ANKRD26: variants seen among roughly 807,000 people sequenced by gnomAD.
The protein encoded by ANKRD26 is ankyrin repeat domain-containing protein 26.
A neutral mutation model predicts 208.7 loss-of-function variants in ANKRD26; 141 were observed. The ratio of observed to expected loss-of-function variants is 0.68; its 90% CI spans 0.59 to 0.78. The LOEUF (loss-of-function observed/expected upper bound fraction) is 0.78. Ranked by LOEUF, ANKRD26 falls within the 30% of genes least tolerant of loss-of-function variation. ANKRD26 has a pLI of 0.00. For synonymous variants in ANKRD26, 636 were observed against 660.4 expected, an observed-to-expected ratio of 0.96 and a Z score of 0.57; for missense variants, 1,889 against 1,938.7, an observed-to-expected ratio of 0.97 and a Z score of 0.48.
chr10:26,972,335 A>G (rs1237945943), downstream of ANKRD26, among the ~76,000 whole-genome samples: 2 of 152,056 alleles, frequency 1.3e-5, no homozygotes, highest in African/African-American at 4.8e-5. Flanking sequence ...ACTGTCGGTA[A>G]TAAGTTAGGA....
chr10:26,951,019 C>CTTTTTTTTTTTTTTTTTTTTTT, the ANKRD26 span, among the ~76,000 whole-genome samples: 15 of 48,574 alleles, frequency 3.1e-4, no homozygotes, highest in East Asian at 9.0e-4. Context: ...TTTTCTTTTT[C>CTTTTTTTTTTTTTTTTTTTTTT]TTTTTTTTTT....
downstream of ANKRD26, among the ~76,000 whole-genome samples, chr10:27,001,804 A>G (rs1007000699): frequency 3.9e-5 from 6 of 152,132 alleles, no homozygotes; most frequent in African/African-American, 1.4e-4. Context: ...TTGCTTATCT[A>G]TGTCAGCAGC....
intron 9 of ANKRD26, among the ~76,000 whole-genome samples, chr10:27,073,565 A>T (rs1046815155): frequency 4.6e-5 from 7 of 152,138 alleles, no homozygotes; most frequent in Non-Finnish European, 5.9e-5. Flanking sequence ...ACTTTAGTGC[A>T]TATCACTGAG....
intron 6 of ANKRD26, among the ~76,000 whole-genome samples, chr10:27,082,170 A>G (rs2135625685): frequency 6.6e-6 from 1 of 152,150 alleles, no homozygotes; most frequent in Admixed American, 6.5e-5. Context: ...GTCAGTAGGT[A>G]GAGAAATAAA....
chr10:26,949,205 A>G, the ANKRD26 span, among the ~76,000 whole-genome samples: 1 of 152,078 alleles, frequency 6.6e-6, no homozygotes, highest in Non-Finnish European at 1.5e-5. Context: ...TACCTTGCCA[A>G]TTTTGCTTCA....
downstream of ANKRD26, among the ~76,000 whole-genome samples, chr10:27,003,610 C>G (rs2052774750): frequency 6.6e-6 from 1 of 152,028 alleles, no homozygotes; most frequent in African/African-American, 2.4e-5. Context: ...TTCAACAAAT[C>G]AAATAATCAA....
chr10:26,976,995 CTCAGT>C (rs1255939815), intron 5 of ANKRD26, among the ~76,000 whole-genome samples: 1 of 152,080 alleles, frequency 6.6e-6, no homozygotes, highest in East Asian at 1.9e-4. Flanking sequence ...GTAGGGAAAG[CTCAGT>C]TCCTTCAGTG....
intron 18 of ANKRD26, 164 bp downstream of exon 18, chr10:27,046,189 A>T: frequency 1.3e-6 from 1 of 756,102 alleles, no homozygotes; most frequent in Non-Finnish European, 2.1e-6. Context: ...GTGACCATTT[A>T]TTGAAATGGC....
intron 9 of ANKRD26, 39 bp downstream of exon 9, chr10:27,077,299 G>GA (rs750819438): frequency 2.1e-5 from 32 of 1,495,088 alleles, no homozygotes; most frequent in Non-Finnish European, 2.9e-5. Flanking sequence ...TGGGGCAGGG[G>GA]AAGGGTACAT....
chr10:27,092,955 T>C (rs537909187), intron 3 of ANKRD26, among the ~76,000 whole-genome samples: 9 of 152,074 alleles, frequency 5.9e-5, no homozygotes, highest in African/African-American at 2.2e-4. Context: ...TGGTGGTGGG[T>C]ACCTGTAATC....
At chr10:26,986,535 C>A (rs571110029) in intron 3 of ANKRD26, among the ~76,000 whole-genome samples, 3 of 152,268 alleles carry the variant, frequency 2.0e-5, no homozygotes, top group Admixed American at 2.0e-4. Context: ...ACCCATCTGA[C>A]AAAGGGCTAA....
the ANKRD26 span, among the ~76,000 whole-genome samples, chr10:26,951,019 C>CTTTTTTTTTTTTTTTTTTT: frequency 3.3e-4 from 16 of 48,586 alleles, no homozygotes; most frequent in East Asian, 4.5e-4. Flanking sequence ...TTTTCTTTTT[C>CTTTTTTTTTTTTTTTTTTT]TTTTTTTTTT....
At chr10:27,033,432 TA>T (rs1241535723) in intron 24 of ANKRD26, 55 bp from the exon 25 acceptor site, 25 of 1,512,920 alleles carry the variant, frequency 1.7e-5, no homozygotes, top group Middle Eastern at 1.9e-4. Flanking sequence ...TAAGTTATGT[TA>T]AAAAATAAAT....
chr10:27,024,627 T>G, intron 27 of ANKRD26, 68 bp from the exon 28 acceptor site: 1 of 872,164 alleles, frequency 1.1e-6, no homozygotes, highest in South Asian at 1.5e-5. Context: ...AAACTATTAT[T>G]TCTTATGAGT....
Position 27,086,757 on chromosome 10 carries a change from C to T in ANKRD26, c.639-148G>A, listed in dbSNP as rs1000274041. 3 of 366,690 alleles carry T rather than the reference C, an allele frequency of 8.2e-6. No homozygotes were observed. The Admixed American group carries it at 1.6e-4, about 20-fold the overall frequency. The allele number at this position is 366,690 out of a possible 1,614,324, so 22.7% of individuals were successfully genotyped here. On this transcript the variant is annotated intron_variant, in intron 4 of 33. Coordinates refer to ENST00000376087, the MANE Select transcript of ANKRD26 (RefSeq NM_014915.3). ...ATACACTTCAAATATGTAAGCTCTA[C>T]AAACTTTTTTGTTTTTTTTTTTTTT...
chr10:27,023,799 T>A (rs1412316355), intron 28 of ANKRD26, among the ~76,000 whole-genome samples: 1 of 152,170 alleles, frequency 6.6e-6, no homozygotes, highest in Admixed American at 6.5e-5. Flanking sequence ...AACATTCCAT[T>A]TTTAAATCTG....
intron 4 of ANKRD26, among the ~76,000 whole-genome samples, chr10:26,998,556 T>C (rs777715759): frequency 1.3e-5 from 2 of 152,242 alleles, no homozygotes; most frequent in East Asian, 1.9e-4. Context: ...ACCTGGGTCA[T>C]AGGTTCTGAT....
In ANKRD26 at chr10:27,029,535, C is replaced by T. The variant is rs188989866; in HGVS notation, c.3808-179G>A. On this transcript the variant is annotated intron_variant, in intron 25 of 33. Coordinates refer to ENST00000376087, the MANE Select transcript of ANKRD26 (RefSeq NM_014915.3). ...GATCTGTTGCAGCAGGTGGTATCTA[C>T]GGCTCCCAAAGCCTAAAATAATACT... Among the ~76,000 whole-genome samples the T allele has an allele frequency of 2.6e-5, 4 of 152,262 alleles. No homozygotes were observed. In the East Asian group the frequency reaches 5.8e-4, roughly 22 times the overall value.
intron 32 of ANKRD26, among the ~76,000 whole-genome samples, chr10:27,010,771 G>C (rs908195308): frequency 1.3e-5 from 2 of 152,076 alleles, no homozygotes; most frequent in African/African-American, 2.4e-5. Context: ...GCCTCCCAAA[G>C]TGTTGGGATT....
Sources: gnomAD v4.1 joint callset for allele counts (sites outside exome capture counted in the v4.1 genomes callset) on GRCh38, gnomAD v4.1.1 for gene constraint, MANE v1.5 for transcripts, NCBI Gene and HGNC (gene_info 2026-07-23, HGNC 2026-07-21) for gene names.